Variants in ADAM12 observed in about 807,000 individuals in gnomAD.
ADAM12 encodes the protein disintegrin and metalloproteinase domain-containing protein 12.
Under a neutral mutation model 106.4 loss-of-function variants are expected in ADAM12, and 70 were observed. That is an observed-to-expected ratio of 0.66 (90% CI 0.54 to 0.80). The LOEUF is 0.80. Ranked by LOEUF, ADAM12 falls within the 30% of genes least tolerant of loss-of-function variation. The pLI is 0.00. For synonymous variants in ADAM12, 420 were observed against 433.5 expected (o/e 0.97, Z 0.39); for missense variants, 1,010 against 1,171.9 (o/e 0.86, Z 2.02).
At chr10:126,080,705 A>C (rs1363173830) in intron 11 of ADAM12, among the ~76,000 whole-genome samples, 2 of 144,316 alleles carry the variant, frequency 1.4e-5, no homozygotes, top group African/African-American at 2.5e-5. Context: ...TGCAAGGTTA[A>C]AAATAAAAAG....
At chr10:126,278,378 G>A (rs994529358) in intron 3 of ADAM12, among the ~76,000 whole-genome samples, 26 of 152,056 alleles carry the variant, frequency 1.7e-4, no homozygotes, top group Middle Eastern at 6.8e-3. Context: ...GTATCCAAGC[G>A]GCCCAGAAAA....
chr10:126,256,668 A>T (rs1215303066), intron 3 of ADAM12, among the ~76,000 whole-genome samples: 1 of 152,226 alleles, frequency 6.6e-6, no homozygotes, highest in African/African-American at 2.4e-5. Flanking sequence ...AGCCCAGTGC[A>T]GAGAAGCAGA....
intron 3 of ADAM12, among the ~76,000 whole-genome samples, chr10:126,250,791 C>A (rs1488834742): frequency 6.6e-6 from 1 of 152,166 alleles, no homozygotes; most frequent in Non-Finnish European, 1.5e-5. Context: ...ATTTCACAAC[C>A]AGGATATTGA....
At chr10:126,331,757 G>A (rs1472045710) in intron 1 of ADAM12, among the ~76,000 whole-genome samples, 2 of 152,180 alleles carry the variant, frequency 1.3e-5, no homozygotes, top group South Asian at 2.1e-4. Context: ...GGCCCAGGAC[G>A]TGTGGTCTTC....
At chr10:126,279,077 G>T in intron 2 of ADAM12, 89 bp from the exon 3 acceptor site, 1 of 945,990 alleles carries the variant, frequency 1.1e-6, no homozygotes, top group Non-Finnish European at 1.7e-6. Flanking sequence ...AGTCAAATGA[G>T]GGAATAAACG....
intron 11 of ADAM12, among the ~76,000 whole-genome samples, chr10:126,072,705 A>C (rs1955022233): frequency 1.3e-5 from 2 of 152,158 alleles, no homozygotes; most frequent in South Asian, 4.1e-4. Context: ...AGAGTGTCTC[A>C]CTTTTTACAA....
chr10:126,376,612 A>G (rs1377564852), intron 1 of ADAM12, among the ~76,000 whole-genome samples: 1 of 152,242 alleles, frequency 6.6e-6, no homozygotes, highest in East Asian at 1.9e-4. Context: ...TTGAAAACTT[A>G]TTGAATAGCA....
At chr10:126,272,510 AATT>A (rs1452197111) in intron 3 of ADAM12, among the ~76,000 whole-genome samples, 1 of 152,244 alleles carries the variant, frequency 6.6e-6, no homozygotes, top group Non-Finnish European at 1.5e-5. Context: ...TAGTAAAGAT[AATT>A]ATTAATAAGA....
chr10:126,190,989 C>CTTTTTTTTTTTTTTTTT lies in ADAM12; in HGVS notation c.261-35685_261-35684insAAAAAAAAAAAAAAAAA, dbSNP rs1957488604. On this transcript the variant is annotated intron_variant, in intron 3 of 22. Coordinates refer to ENST00000448723, the MANE Select transcript of ADAM12 (RefSeq NM_001288973.2). The stretch of plus-strand genomic sequence containing the variant: ...TTTGAGTTGCCATGAGGAGTTTTGT[C>CTTTTTTTTTTTTTTTTT]CTTTTTTTTTTTTTTTTTTTTTTTT... Among the ~76,000 whole-genome samples, 10 of 68,710 alleles carry CTTTTTTTTTTTTTTTTT rather than the reference C, an allele frequency of 1.5e-4. 5 individuals carry two copies. Among genetic ancestry groups the CTTTTTTTTTTTTTTTTT allele is most frequent in the African/African-American group, 2.3e-4 (6 of 26,280 alleles). The allele number at this position is 68,710 out of a possible 152,430, so 45.1% of individuals were successfully genotyped here.
intron 11 of ADAM12, among the ~76,000 whole-genome samples, chr10:126,086,330 G>A (rs1002169713): frequency 6.6e-6 from 1 of 151,894 alleles, no homozygotes; most frequent in Non-Finnish European, 1.5e-5. Context: ...TTCTACTTAG[G>A]TCGGTCTGGA....
chr10:126,297,753 G>A (rs1960447696), intron 2 of ADAM12, among the ~76,000 whole-genome samples: 2 of 152,160 alleles, frequency 1.3e-5, no homozygotes, highest in African/African-American at 2.4e-5. Flanking sequence ...CATTTCCAAA[G>A]TAATAAAGTA....
At chr10:126,185,264 AT>A (rs1244216713) in intron 3 of ADAM12, among the ~76,000 whole-genome samples, 1 of 152,214 alleles carries the variant, frequency 6.6e-6, no homozygotes, top group African/African-American at 2.4e-5. Flanking sequence ...ACATATTTTC[AT>A]TTTTTAACAA....
chr10:126,028,570 TAATA>T (rs1323494589), intron 21 of ADAM12, among the ~76,000 whole-genome samples: 1 of 152,164 alleles, frequency 6.6e-6, no homozygotes, highest in Non-Finnish European at 1.5e-5. Flanking sequence ...ATTCCCTATT[TAATA>T]AATAGTCTGG....
intron 3 of ADAM12, among the ~76,000 whole-genome samples, chr10:126,228,692 G>C (rs956468624): frequency 6.6e-6 from 1 of 152,086 alleles, no homozygotes; most frequent in African/African-American, 2.4e-5. Flanking sequence ...GAGCTTTTAA[G>C]TTCTGATTAT....
At chr10:126,127,473 C>T (rs1454108453) in intron 5 of ADAM12, among the ~76,000 whole-genome samples, 1 of 152,214 alleles carries the variant, frequency 6.6e-6, no homozygotes, top group Non-Finnish European at 1.5e-5. Context: ...GTACTTGTAA[C>T]ATGCCAGGGT....
At chr10:126,387,795 G>A (rs1856719417) in intron 1 of ADAM12, among the ~76,000 whole-genome samples, 1 of 152,058 alleles carries the variant, frequency 6.6e-6, no homozygotes, top group Non-Finnish European at 1.5e-5. Context: ...GGGTGAGGAC[G>A]GGGGAGCGGT....
intron 3 of ADAM12, among the ~76,000 whole-genome samples, chr10:126,174,460 G>A (rs906262850): frequency 6.6e-6 from 1 of 152,098 alleles, no homozygotes; most frequent in South Asian, 2.1e-4. Context: ...CTCCCAGGCC[G>A]AGTTCAGGGC....
intron 10 of ADAM12, 120 bp downstream of exon 10, chr10:126,098,296 A>G: frequency 1.2e-6 from 1 of 809,574 alleles, no homozygotes; most frequent in South Asian, 1.8e-5. Flanking sequence ...TACAGTAAAA[A>G]TAGAGTTAAA....
intron 8 of ADAM12, among the ~76,000 whole-genome samples, chr10:126,106,518 G>A (rs1193139280): frequency 2.3e-5 from 3 of 132,186 alleles, no homozygotes; most frequent in Non-Finnish European, 3.1e-5. Flanking sequence ...ATGGAGTCTC[G>A]CTCTGTCACC....
Sources: allele counts gnomAD v4.1 joint callset (sites outside exome capture counted in the v4.1 genomes callset), GRCh38; gene constraint gnomAD v4.1.1; transcripts MANE v1.5; gene names NCBI Gene and HGNC (gene_info 2026-07-23, HGNC 2026-07-21).